The following MCPH1 variants were observed in gnomAD, a reference collection of about 807,000 sequenced individuals.
The protein encoded by MCPH1 is microcephalin.
MCPH1 carries 104 observed loss-of-function variants against 84.5 expected under a neutral mutation model. That is an observed-to-expected ratio of 1.23 (90% CI 1.05 to 1.45). MCPH1 has a LOEUF of 1.45. Among genes scored for constraint, MCPH1 ranks in the 40% most tolerant of loss-of-function variants. The pLI is 0.00. For synonymous variants in MCPH1, 514 were observed against 366.8 expected (o/e 1.40, Z -4.58); for missense variants, 1,498 against 1,005.7 (o/e 1.49, Z -6.62).
chr8:6,503,036 T>A (rs180960824), intron 12 of MCPH1: 1 of 1,589,342 alleles, frequency 6.3e-7, no homozygotes, highest in East Asian at 2.2e-5. Context: ...AGCCGTGACT[T>A]TCAGTGCACT....
intron 12 of MCPH1, among the ~76,000 whole-genome samples, chr8:6,527,887 C>T (rs1396265645): frequency 7.1e-6 from 1 of 140,496 alleles, no homozygotes; most frequent in Non-Finnish European, 1.6e-5. Context: ...TTACTCTTTT[C>T]CCCACGTCTC....
intron 12 of MCPH1, among the ~76,000 whole-genome samples, chr8:6,506,050 A>C (rs1259106267): frequency 6.7e-6 from 1 of 148,474 alleles, no homozygotes; most frequent in Non-Finnish European, 1.5e-5. Context: ...CTTTATATAT[A>C]TATATGTTGT....
intron 11 of MCPH1, among the ~76,000 whole-genome samples, chr8:6,499,224 G>C (rs958527449): frequency 6.6e-5 from 10 of 151,986 alleles, no homozygotes; most frequent in African/African-American, 2.2e-4. Flanking sequence ...AAATATTACT[G>C]AATTAAAAAG....
intron 12 of MCPH1, among the ~76,000 whole-genome samples, chr8:6,605,917 G>A (rs568525548): frequency 3.3e-5 from 5 of 152,222 alleles, no homozygotes; most frequent in East Asian, 1.9e-4. Context: ...GGCTGGTCTC[G>A]AATGCCTGAC....
At chr8:6,465,384 G>A (rs372360178) in intron 9 of MCPH1, among the ~76,000 whole-genome samples, 1 of 152,186 alleles carries the variant, frequency 6.6e-6, no homozygotes, top group Non-Finnish European at 1.5e-5. Flanking sequence ...CTGCCACTGC[G>A]CTGCTCCCAC....
At chr8:6,423,838 A>G (rs1471247691) in intron 3 of MCPH1, among the ~76,000 whole-genome samples, 1 of 152,148 alleles carries the variant, frequency 6.6e-6, no homozygotes, top group African/African-American at 2.4e-5. Flanking sequence ...GTTTCCCAAT[A>G]CCTTTGCTAA....
intron 12 of MCPH1, among the ~76,000 whole-genome samples, chr8:6,577,117 A>G (rs1827190113): frequency 6.6e-6 from 1 of 152,176 alleles, no homozygotes; most frequent in South Asian, 2.1e-4. Context: ...GCTGCACAGG[A>G]GGCCAGGGTG....
At chr8:6,501,333 C>A (rs1195079492) in intron 12 of MCPH1, 9 of 152,144 alleles carry the variant, frequency 5.9e-5, no homozygotes, top group Admixed American at 5.9e-4. Flanking sequence ...AAGGTGAAGA[C>A]AGACATATAG....
intron 12 of MCPH1, among the ~76,000 whole-genome samples, chr8:6,505,806 ATTC>A (rs1042927578): frequency 1.6e-5 from 2 of 127,614 alleles, no homozygotes; most frequent in East Asian, 2.1e-4. Flanking sequence ...AAACATGCAT[ATTC>A]TTTATATATG....
chr8:6,489,985 C>G (rs916808544), intron 11 of MCPH1, among the ~76,000 whole-genome samples: 1 of 152,214 alleles, frequency 6.6e-6, no homozygotes, highest in African/African-American at 2.4e-5. Context: ...AAATCATGGC[C>G]TTCAAGGATC....
chr8:6,589,614 G>C (rs1236158518), intron 12 of MCPH1, among the ~76,000 whole-genome samples: 1 of 152,184 alleles, frequency 6.6e-6, no homozygotes, highest in Non-Finnish European at 1.5e-5. Flanking sequence ...CTGTGTGCCA[G>C]GCATTTTCAT....
intron 12 of MCPH1, among the ~76,000 whole-genome samples, chr8:6,505,811 TTATA>T (rs1813550378): frequency 7.2e-6 from 1 of 138,436 alleles, no homozygotes; most frequent in African/African-American, 2.6e-5. Flanking sequence ...TGCATATTCT[TTATA>T]TATGTATATA....
intron 12 of MCPH1, among the ~76,000 whole-genome samples, chr8:6,572,957 GC>G (rs1826783296): frequency 6.6e-6 from 1 of 152,208 alleles, no homozygotes; most frequent in African/African-American, 2.4e-5. Flanking sequence ...AACATACTCT[GC>G]CCTTTCTCCC....
chr8:6,583,951 T>C (rs1827780929), intron 12 of MCPH1, among the ~76,000 whole-genome samples: 1 of 152,030 alleles, frequency 6.6e-6, no homozygotes, highest in Admixed American at 6.5e-5. Flanking sequence ...GACTTTGTTG[T>C]GGTGGGTAGT....
chr8:6,475,994 C>T lies in MCPH1; in HGVS notation c.1936-1600C>T, dbSNP rs540013420. On this transcript the variant is annotated intron_variant, in intron 9 of 13. Transcript: ENST00000344683. Reference sequence around the variant, plus strand: ...TGGAAGCTGTCGAGGGAAACTAAGCCCTGTTTCTGGTATGAGAAGGTTAAA... The same window carrying T: ...TGGAAGCTGTCGAGGGAAACTAAGCTCTGTTTCTGGTATGAGAAGGTTAAA... 2.0e-5 allele frequency among the ~76,000 whole-genome samples: 3 copies of T among 152,202 alleles called. No homozygotes were observed. In the East Asian group the frequency reaches 5.8e-4, roughly 29 times the overall value.
chr8:6,528,637 C>T (rs1443293714), intron 12 of MCPH1, among the ~76,000 whole-genome samples: 4 of 152,256 alleles, frequency 2.6e-5, no homozygotes, highest in Admixed American at 6.5e-5. Flanking sequence ...TGCGGCTCTC[C>T]CGCGGATTCT....
At position 6,561,045 on chromosome 8, in the gene MCPH1, C is replaced by T. The variant is rs150282823; in HGVS notation, c.2215-60409C>T. 2.6e-5 allele frequency among the ~76,000 whole-genome samples: 4 copies of T among 152,290 alleles called. No individual in the cohort carries two copies. In the South Asian group the frequency reaches 8.3e-4, roughly 32 times the overall value. On this transcript the variant is annotated intron_variant, in intron 12 of 13. Transcript: ENST00000344683. ...GGAAAGCCATTAACCATCAGCTTGA[C>T]GGTTTACAAAGAAATAGGAAGTTCA...
In MCPH1 at chr8:6,621,520, G is replaced by A; in HGVS notation, c.2281G>A (p.Ala761Thr). Reference sequence around the variant, plus strand: ...CGGAACCCTCTTTGCCGACCAGCCAGCGATGTTTGTCTCGCCTGCCAGCAG... The same window carrying A: ...CGGAACCCTCTTTGCCGACCAGCCAACGATGTTTGTCTCGCCTGCCAGCAG... ...YRGTLFADQP[A>T]MFVSPASSPP... The change falls in exon 13 of 14, where the codon GCG becomes ACG. Residue 761 changes from alanine (A) to threonine (T), a missense_variant. Transcript: ENST00000344683. 3.7e-6 allele frequency: 6 copies of A among 1,614,150 alleles called. No homozygotes were observed. The highest frequency in any genetic ancestry group is 5.1e-6 in the Non-Finnish European group (6 of 1,180,012).
intron 1 of MCPH1, chr8:6,407,276 C>T (rs1425474227): frequency 6.2e-6 from 1 of 161,078 alleles, no homozygotes; most frequent in African/African-American, 2.4e-5. Context: ...ACTGCGGAGT[C>T]TTTGTGTGCC....
Sources: allele counts gnomAD v4.1 joint callset (sites outside exome capture counted in the v4.1 genomes callset), GRCh38; gene constraint gnomAD v4.1.1; transcripts MANE v1.5; gene names NCBI Gene and HGNC (gene_info 2026-07-23, HGNC 2026-07-21).